Variants in EFR3A observed in about 807,000 individuals in gnomAD.
The protein encoded by EFR3A is EFR3 homolog A, also known as protein EFR3 homolog A.
EFR3A carries 76 observed loss-of-function variants against 104.4 expected under a neutral mutation model. The ratio of observed to expected loss-of-function variants is 0.73; its 90% CI spans 0.60 to 0.88. The LOEUF is 0.88. EFR3A is among the 40% of genes least tolerant of loss of function. The probability of loss-of-function intolerance (pLI) is 0.00; values close to 1 mark genes in which losing one functional copy is unlikely to be tolerated. For synonymous variants in EFR3A, 330 were observed against 330.0 expected (o/e 1.00, Z 0.00); for missense variants, 985 against 1,012.5 (o/e 0.97, Z 0.37).
intron 22 of EFR3A, among the ~76,000 whole-genome samples, chr8:132,006,656 T>C (rs1443111157): frequency 6.6e-6 from 1 of 152,026 alleles, no homozygotes; most frequent in Non-Finnish European, 1.5e-5. Flanking sequence ...GGTAGAAACA[T>C]TTTCTAACTC....
rs527753339 is a variant in EFR3A at position 131,998,768 on chromosome 8, A to G, written c.2157+2271A>G. 1.9e-3 allele frequency among the ~76,000 whole-genome samples: 284 copies of G among 152,166 alleles called. 2 individuals are homozygous for G. Among genetic ancestry groups the G allele is most frequent in the African/African-American group, 6.5e-3 (272 of 41,572 alleles). On this transcript the variant is annotated intron_variant, in intron 19 of 22. Transcript: ENST00000254624. Reference sequence around the variant, plus strand: ...TTACATATCTCAAAGCAAGAGGGAGATTTGAGAGACTCAAGGTAAAAGGTA... The same window carrying G: ...TTACATATCTCAAAGCAAGAGGGAGGTTTGAGAGACTCAAGGTAAAAGGTA...
intron 1 of EFR3A, among the ~76,000 whole-genome samples, chr8:131,906,853 A>C (rs1006141898): frequency 1.3e-5 from 2 of 152,156 alleles, no homozygotes; most frequent in Non-Finnish European, 2.9e-5. Context: ...TTGACACATC[A>C]TTTTTCTAGA....
intron 1 of EFR3A, among the ~76,000 whole-genome samples, chr8:131,910,490 C>G (rs1816464973): frequency 6.6e-6 from 1 of 152,196 alleles, no homozygotes; most frequent in African/African-American, 2.4e-5. Context: ...CCAGCATGGT[C>G]TTGAACTCCC....
At chr8:132,004,368 G>C (rs551048809) in intron 22 of EFR3A, among the ~76,000 whole-genome samples, 5 of 152,324 alleles carry the variant, frequency 3.3e-5, no homozygotes, top group Admixed American at 2.6e-4. Context: ...CTTCCTGTCA[G>C]ATCAGCGCGG....
chr8:131,925,794 C>A (rs1271351336), intron 1 of EFR3A, among the ~76,000 whole-genome samples: 1 of 151,972 alleles, frequency 6.6e-6, no homozygotes, highest in Non-Finnish European at 1.5e-5. Context: ...GATCTTCTAC[C>A]TGTACTTTGT....
intron 8 of EFR3A, among the ~76,000 whole-genome samples, chr8:131,961,715 A>C (rs995126355): frequency 1.3e-5 from 2 of 152,194 alleles, no homozygotes; most frequent in African/African-American, 4.8e-5. Context: ...AGAATGCCAC[A>C]AAGATACTCC....
intron 4 of EFR3A, among the ~76,000 whole-genome samples, chr8:131,949,517 C>A (rs932131766): frequency 6.6e-6 from 1 of 151,980 alleles, no homozygotes; most frequent in Non-Finnish European, 1.5e-5. Context: ...TAAAAAGTTT[C>A]TTTTGGGTTG....
chr8:131,947,841 T>C (rs1586584750), intron 4 of EFR3A, among the ~76,000 whole-genome samples: 2 of 152,238 alleles, frequency 1.3e-5, no homozygotes, highest in Admixed American at 6.5e-5. Flanking sequence ...CTTTTAAAAA[T>C]AAATTTACCA....
intron 21 of EFR3A, 90 bp from the exon 22 acceptor site, chr8:132,003,146 A>G (rs1821869539): frequency 1.8e-6 from 2 of 1,083,544 alleles, no homozygotes; most frequent in Admixed American, 2.1e-5. Flanking sequence ...AATAGTCACA[A>G]TTATACTTTG....
chr8:131,997,935 G>A (rs1349223023), intron 19 of EFR3A, among the ~76,000 whole-genome samples: 2 of 151,954 alleles, frequency 1.3e-5, no homozygotes, highest in Non-Finnish European at 1.5e-5. Flanking sequence ...CTCAATGTAG[G>A]GGAAAGATTC....
At chr8:132,004,703 T>G (rs1028296914) in intron 22 of EFR3A, among the ~76,000 whole-genome samples, 4 of 152,240 alleles carry the variant, frequency 2.6e-5, no homozygotes, top group Admixed American at 6.5e-5. Flanking sequence ...ATGGTTTATA[T>G]CTATTATTTC....
At chr8:131,998,883 G>T (rs1017583707) in intron 19 of EFR3A, among the ~76,000 whole-genome samples, 5 of 151,742 alleles carry the variant, frequency 3.3e-5, no homozygotes, top group African/African-American at 1.2e-4. Flanking sequence ...GCATATATGT[G>T]TGTATACACA....
chr8:131,964,875 C>T (rs373103106), intron 8 of EFR3A, among the ~76,000 whole-genome samples: 19 of 147,714 alleles, frequency 1.3e-4, no homozygotes, highest in African/African-American at 3.0e-4. Context: ...GAGATATAGA[C>T]CAATGGAACA....
intron 1 of EFR3A, among the ~76,000 whole-genome samples, chr8:131,905,438 G>T (rs1816206668): frequency 6.6e-6 from 1 of 152,030 alleles, no homozygotes; most frequent in Non-Finnish European, 1.5e-5. Flanking sequence ...AATTTAAATT[G>T]ATATTAAAGA....
intron 14 of EFR3A, among the ~76,000 whole-genome samples, chr8:131,983,432 A>T (rs1176044830): frequency 6.6e-6 from 1 of 152,080 alleles, no homozygotes; most frequent in African/African-American, 2.4e-5. Flanking sequence ...TAATGTCGCC[A>T]TTGTGACTGG....
At chr8:131,997,413 A>G (rs1275264385) in intron 19 of EFR3A, among the ~76,000 whole-genome samples, 1 of 152,034 alleles carries the variant, frequency 6.6e-6, no homozygotes, top group Non-Finnish European at 1.5e-5. Flanking sequence ...TACTAAACCT[A>G]TTTGGTGGCC....
At chr8:131,992,226 A>G (rs1821225567) in intron 18 of EFR3A, among the ~76,000 whole-genome samples, 1 of 152,158 alleles carries the variant, frequency 6.6e-6, no homozygotes, top group South Asian at 2.1e-4. Context: ...TGGCAATTCC[A>G]TTGATGTCTT....
intron 1 of EFR3A, among the ~76,000 whole-genome samples, chr8:131,916,955 C>G (rs994611657): frequency 3.3e-5 from 5 of 152,128 alleles, no homozygotes; most frequent in Non-Finnish European, 7.4e-5. Flanking sequence ...AGCTTCCTAG[C>G]TGGGGGAGGT....
chr8:131,947,910 T>C (rs997473876), intron 4 of EFR3A, among the ~76,000 whole-genome samples: 3 of 152,158 alleles, frequency 2.0e-5, no homozygotes, highest in Admixed American at 6.6e-5. Context: ...CTATTTCTGC[T>C]CACCACATTC....
Sources: allele counts gnomAD v4.1 joint callset (sites outside exome capture counted in the v4.1 genomes callset), GRCh38; gene constraint gnomAD v4.1.1; transcripts MANE v1.5; gene names NCBI Gene and HGNC (gene_info 2026-07-23, HGNC 2026-07-21).